Variants in KCNMA1 observed in about 807,000 individuals in gnomAD.
KCNMA1 encodes the protein Calcium-activated potassium channel subunit alpha-1.
Under a neutral mutation model 140.0 loss-of-function variants are expected in KCNMA1, and 29 were observed. That is an observed-to-expected ratio of 0.21 (90% CI 0.15 to 0.28). The LOEUF (loss-of-function observed/expected upper bound fraction) is 0.28. Among genes scored for constraint, KCNMA1 ranks in the 10% least tolerant of loss-of-function variants. KCNMA1 has a pLI of 1.00. For missense variants in KCNMA1, 880 were observed against 1,602.2 expected, an observed-to-expected ratio of 0.55 and a Z score of 7.70; for synonymous variants, 612 against 611.9, an observed-to-expected ratio of 1.00 and a Z score of 0.00.
At chr10:77,179,787 G>A (rs1282304082) in intron 5 of KCNMA1, among the ~76,000 whole-genome samples, 2 of 152,134 alleles carry the variant, frequency 1.3e-5, no homozygotes, top group African/African-American at 4.8e-5. Context: ...TCTGTAAATG[G>A]GGAAATGACA....
At chr10:77,477,273 A>G (rs1477969278) in intron 1 of KCNMA1, among the ~76,000 whole-genome samples, 1 of 152,252 alleles carries the variant, frequency 6.6e-6, no homozygotes, top group Non-Finnish European at 1.5e-5. Flanking sequence ...CTGTTGGCTG[A>G]TAGGAATAAG....
intron 3 of KCNMA1, among the ~76,000 whole-genome samples, chr10:77,195,041 G>C (rs140343352): frequency 1.3e-5 from 2 of 152,126 alleles, no homozygotes; most frequent in East Asian, 3.9e-4. Context: ...TTTTGTTGTT[G>C]TTGTTGTTGT....
chr10:77,225,760 T>C (rs1018649257), intron 3 of KCNMA1, among the ~76,000 whole-genome samples: 16 of 152,106 alleles, frequency 1.1e-4, no homozygotes, highest in Admixed American at 8.5e-4. Flanking sequence ...CAAGGGGCCA[T>C]GGAGGCCACA....
At position 77,325,721 on chromosome 10, in the gene KCNMA1, T is replaced by C. The variant is rs2083913095; in HGVS notation, c.541-74465A>G. On this transcript the variant is annotated intron_variant, in intron 2 of 27. Coordinates refer to ENST00000286628, the MANE Select transcript of KCNMA1 (RefSeq NM_001161352.2). ...GCATTGACATTGACACTGTTGTTGC[T>C]GGGGGGCTTTGCTGTGCTTGCCTCT... is the stretch of plus-strand genomic sequence containing the variant. 2.6e-5 allele frequency among the ~76,000 whole-genome samples: 4 copies of C among 152,320 alleles called. No homozygotes were observed. In the South Asian group the frequency reaches 6.2e-4, roughly 24 times the overall value.
intron 23 of KCNMA1, among the ~76,000 whole-genome samples, chr10:76,915,620 T>C (rs1294763498): frequency 1.3e-5 from 2 of 152,198 alleles, no homozygotes; most frequent in Admixed American, 6.5e-5. Flanking sequence ...TGTTTGTTTG[T>C]TTGTTTGTTG....
intron 2 of KCNMA1, among the ~76,000 whole-genome samples, chr10:77,353,763 C>T (rs2154391682): frequency 6.6e-6 from 1 of 152,148 alleles, no homozygotes; most frequent in Middle Eastern, 3.4e-3. Context: ...AGTTGGAAGG[C>T]CAAATGACAA....
intron 1 of KCNMA1, among the ~76,000 whole-genome samples, chr10:77,425,109 G>GTGGATGGATGGATGGA (rs200540048): frequency 6.7e-6 from 1 of 150,106 alleles, no homozygotes; most frequent in African/African-American, 2.5e-5. Context: ...GGATGGATGA[G>GTGGATGGATGGATGGA]TGGATGGATG....
exon 28 of KCNMA1, chr10:76,871,081 C>T (rs1428811102): frequency 6.6e-6 from 1 of 152,288 alleles, no homozygotes; most frequent in East Asian, 1.9e-4. Context: ...GCCAGCTGAT[C>T]TAAACCTACA....
At chr10:77,458,093 A>G (rs980023478) in intron 1 of KCNMA1, among the ~76,000 whole-genome samples, 1 of 152,154 alleles carries the variant, frequency 6.6e-6, no homozygotes, top group Admixed American at 6.5e-5. Context: ...ACCCGATTAT[A>G]CAAAGTGGGG....
intron 2 of KCNMA1, among the ~76,000 whole-genome samples, chr10:77,260,523 A>G (rs1330019612): frequency 6.6e-6 from 1 of 152,212 alleles, no homozygotes; most frequent in Non-Finnish European, 1.5e-5. Flanking sequence ...AGCCTGGGCA[A>G]CATGGTGAAA....
chr10:77,513,676 T>C (rs2049238776), intron 1 of KCNMA1, among the ~76,000 whole-genome samples: 1 of 152,070 alleles, frequency 6.6e-6, no homozygotes, highest in Non-Finnish European at 1.5e-5. Context: ...ATTCAAGAAA[T>C]AAACCAAGCA....
chr10:77,097,946 A>C (rs2096977732), intron 9 of KCNMA1, among the ~76,000 whole-genome samples: 1 of 152,208 alleles, frequency 6.6e-6, no homozygotes, highest in African/African-American at 2.4e-5. Flanking sequence ...GCACCTCTAA[A>C]GCAGAGCCCC....
chr10:77,223,152 C>A (rs1383469236), intron 3 of KCNMA1, among the ~76,000 whole-genome samples: 1 of 152,016 alleles, frequency 6.6e-6, no homozygotes, highest in Non-Finnish European at 1.5e-5. Context: ...TTGCTTGAAC[C>A]CGGGAGGCAG....
rs188923949 is a variant in KCNMA1 at position 76,886,418 on chromosome 10, A to G, written c.*848T>C. 171 of 985,322 alleles carry G rather than the reference A, an allele frequency of 1.7e-4. No individual in the cohort carries two copies. In the African/African-American group the frequency reaches 2.8e-3, roughly 16 times the overall value. The allele number at this position is 985,322 out of a possible 1,614,324, so 61.0% of individuals were successfully genotyped here. On this transcript the variant is annotated 3_prime_UTR_variant, in exon 28 of 28. Coordinates refer to ENST00000286628, the MANE Select transcript of KCNMA1 (RefSeq NM_001161352.2). ...TATGATACATATGGCTTTTCATCCCAAATGTCAAAAGTGAAAGAAAAAAAA... is the reference window on the plus strand; with the variant it reads ...TATGATACATATGGCTTTTCATCCCGAATGTCAAAAGTGAAAGAAAAAAAA...
intron 1 of KCNMA1, among the ~76,000 whole-genome samples, chr10:77,476,550 C>T (rs188405660): frequency 1.1e-3 from 168 of 152,356 alleles, no homozygotes; most frequent in Non-Finnish European, 1.4e-3. Context: ...AGCTCTAACC[C>T]CAGGTCCTGA....
At chr10:76,971,623 G>T (rs1164931741) in intron 19 of KCNMA1, among the ~76,000 whole-genome samples, 1 of 152,052 alleles carries the variant, frequency 6.6e-6, no homozygotes, top group Non-Finnish European at 1.5e-5. Context: ...ACCCACAGCC[G>T]ACCCCCTGTA....
chr10:77,035,395 C>T (rs2094253059), intron 15 of KCNMA1, among the ~76,000 whole-genome samples: 2 of 152,218 alleles, frequency 1.3e-5, no homozygotes, highest in African/African-American at 4.8e-5. Context: ...CTGTGTGCAT[C>T]TACCACAGCA....
chr10:76,941,755 G>A (rs982188553), intron 23 of KCNMA1, among the ~76,000 whole-genome samples: 1 of 152,080 alleles, frequency 6.6e-6, no homozygotes, highest in Non-Finnish European at 1.5e-5. Context: ...TCATTTGTGC[G>A]GTCTTAGTCC....
intron 1 of KCNMA1, chr10:77,636,423 G>A: frequency 6.5e-7 from 1 of 1,536,168 alleles, no homozygotes; most frequent in Non-Finnish European, 8.7e-7. Flanking sequence ...CGAGCGCCAG[G>A]GAAGACGCTC....
Sources: gnomAD v4.1 joint callset for allele counts (sites outside exome capture counted in the v4.1 genomes callset) on GRCh38, gnomAD v4.1.1 for gene constraint, MANE v1.5 for transcripts, NCBI Gene and HGNC (gene_info 2026-07-23, HGNC 2026-07-21) for gene names.